The following ALOX5AP variants were observed in gnomAD, a reference collection of about 807,000 sequenced individuals.
The protein encoded by ALOX5AP is arachidonate 5-lipoxygenase-activating protein.
ALOX5AP carries 9 observed loss-of-function variants against 18.5 expected under a neutral mutation model. That is an observed-to-expected ratio of 0.49 (90% CI 0.29 to 0.85). The LOEUF (loss-of-function observed/expected upper bound fraction) is 0.85. Among genes scored for constraint, ALOX5AP ranks in the 40% least tolerant of loss-of-function variants. The pLI, the probability that ALOX5AP is intolerant of heterozygous loss-of-function variation, is 0.08. For missense variants in ALOX5AP, 172 were observed against 202.5 expected, an observed-to-expected ratio of 0.85 and a Z score of 0.91; for synonymous variants, 81 against 78.6, an observed-to-expected ratio of 1.03 and a Z score of -0.16.
intron 1 of ALOX5AP, among the ~76,000 whole-genome samples, chr13:30,737,325 C>G (rs1452339013): frequency 6.6e-6 from 1 of 152,158 alleles, no homozygotes; most frequent in East Asian, 1.9e-4. Flanking sequence ...GGAGGTGCAC[C>G]AGGGAACTGG....
intron 1 of ALOX5AP, among the ~76,000 whole-genome samples, chr13:30,743,828 C>G (rs1951786613): frequency 6.6e-6 from 1 of 152,054 alleles, no homozygotes; most frequent in African/African-American, 2.4e-5. Flanking sequence ...ACTGTAAGAT[C>G]CTAGAAAGTG....
At chr13:30,761,786 T>C (rs1026356426) in intron 4 of ALOX5AP, among the ~76,000 whole-genome samples, 1 of 152,146 alleles carries the variant, frequency 6.6e-6, no homozygotes, top group African/African-American at 2.4e-5. Context: ...TGTGTCCAAA[T>C]CTCCCCTTCT....
At chr13:30,735,470 G>A (rs1386666608), upstream of ALOX5AP, 1 of 1,334,296 alleles carries the variant, frequency 7.5e-7, no homozygotes, top group South Asian at 1.5e-5. Flanking sequence ...GGAAGAAGAA[G>A]GCACTGTGTA....
chr13:30,716,140 T>A (rs1158882015), intron 1 of ALOX5AP, among the ~76,000 whole-genome samples: 1 of 152,216 alleles, frequency 6.6e-6, no homozygotes, highest in East Asian at 1.9e-4. Flanking sequence ...CTTGTTTTTC[T>A]TATTTCACAA....
At chr13:30,737,078 A>C (rs969652738) in intron 1 of ALOX5AP, among the ~76,000 whole-genome samples, 18 of 152,206 alleles carry the variant, frequency 1.2e-4, no homozygotes, top group African/African-American at 4.3e-4. Flanking sequence ...GGTGGCTAGC[A>C]CTTATTCAGC....
chr13:30,757,393 T>G (rs1951905049), intron 4 of ALOX5AP, among the ~76,000 whole-genome samples: 1 of 152,180 alleles, frequency 6.6e-6, no homozygotes, highest in South Asian at 2.1e-4. Context: ...CATCTCTTTC[T>G]TCATTCCTCT....
chr13:30,752,643 C>A (rs1381648651), intron 3 of ALOX5AP, among the ~76,000 whole-genome samples: 5 of 152,216 alleles, frequency 3.3e-5, no homozygotes, highest in Non-Finnish European at 7.3e-5. Flanking sequence ...GTTGATTTAA[C>A]ATTGAGTGGA....
chr13:30,761,914 G>T (rs923660612), intron 4 of ALOX5AP, among the ~76,000 whole-genome samples: 5 of 152,180 alleles, frequency 3.3e-5, no homozygotes, highest in African/African-American at 1.2e-4. Context: ...TGAGAGTAAA[G>T]ATTCAACATA....
chr13:30,735,551 G>A lies in ALOX5AP; in HGVS notation c.-55G>A. The A allele has an allele frequency of 3.7e-6, 6 of 1,611,040 alleles. No homozygotes were observed. The highest frequency in any genetic ancestry group is 4.2e-6 in the Non-Finnish European group (5 of 1,178,562). ...GCTCTCACTTCCCCTTCCTGTACAG[G>A]GCAGGTTGTGCAGCTGGAGGCAGAG... On this transcript the variant is annotated 5_prime_UTR_variant, in exon 1 of 5. Transcript: ENST00000380490.
intron 1 of ALOX5AP, among the ~76,000 whole-genome samples, chr13:30,723,754 C>G (rs1253199457): frequency 2.0e-5 from 3 of 152,098 alleles, no homozygotes; most frequent in African/African-American, 7.2e-5. Context: ...AACTAAACAT[C>G]AAACATTTTT....
chr13:30,742,868 C>T (rs1352067332), intron 1 of ALOX5AP, among the ~76,000 whole-genome samples: 3 of 136,930 alleles, frequency 2.2e-5, no homozygotes, highest in East Asian at 4.8e-4. Context: ...CGCCCCCCCC[C>T]CACCCCCCAT....
upstream of ALOX5AP, among the ~76,000 whole-genome samples, chr13:30,732,294 G>A (rs1179435294): frequency 6.6e-6 from 1 of 152,180 alleles, no homozygotes; most frequent in African/African-American, 2.4e-5. Flanking sequence ...TGCGTTCCAC[G>A]GAGCCCGGAA....
intron 1 of ALOX5AP, among the ~76,000 whole-genome samples, chr13:30,728,122 G>A (rs867257808): frequency 1.3e-5 from 2 of 152,132 alleles, no homozygotes; most frequent in South Asian, 2.1e-4. Context: ...GTCCTTCTAT[G>A]ACAGCCACAG....
At chr13:30,726,883 T>A (rs914692146) in intron 1 of ALOX5AP, among the ~76,000 whole-genome samples, 1 of 152,058 alleles carries the variant, frequency 6.6e-6, no homozygotes, top group African/African-American at 2.4e-5. Flanking sequence ...CAACATAATA[T>A]GTGTTAATGG....
At chr13:30,760,461 G>A (rs1951932616) in intron 4 of ALOX5AP, among the ~76,000 whole-genome samples, 2 of 152,250 alleles carry the variant, frequency 1.3e-5, no homozygotes. Context: ...CCTCATCCTA[G>A]AAGTGGTTAG....
chr13:30,720,628 CAG>C (rs1367026751), intron 1 of ALOX5AP, among the ~76,000 whole-genome samples: 1 of 152,206 alleles, frequency 6.6e-6, no homozygotes, highest in Non-Finnish European at 1.5e-5. Flanking sequence ...ACACCACAAA[CAG>C]TAATATTTTT....
chr13:30,739,751 C>T (rs1951748007), intron 1 of ALOX5AP, among the ~76,000 whole-genome samples: 1 of 152,162 alleles, frequency 6.6e-6, no homozygotes, highest in South Asian at 2.1e-4. Flanking sequence ...ATTATTTATT[C>T]TTGTTTTACA....
At chr13:30,741,504 C>G (rs1429695078) in intron 1 of ALOX5AP, among the ~76,000 whole-genome samples, 2 of 150,024 alleles carry the variant, frequency 1.3e-5, no homozygotes, top group Non-Finnish European at 3.0e-5. Context: ...TCAAGCAATT[C>G]TCCTGTCTCA....
chr13:30,756,172 T>C, intron 4 of ALOX5AP, 147 bp downstream of exon 4: 3 of 688,382 alleles, frequency 4.4e-6, no homozygotes, highest in Non-Finnish European at 7.5e-6. Context: ...GGACCTCTGA[T>C]TCTTCTTTCC....
Sources: allele counts gnomAD v4.1 joint callset (sites outside exome capture counted in the v4.1 genomes callset), GRCh38; gene constraint gnomAD v4.1.1; transcripts MANE v1.5; gene names NCBI Gene and HGNC (gene_info 2026-07-23, HGNC 2026-07-21).